The following BMP6 variants were observed in gnomAD, a reference collection of about 807,000 sequenced individuals.
The protein encoded by BMP6 is bone morphogenetic protein 6, also known as VG-1-R.
BMP6 carries 17 observed loss-of-function variants against 54.1 expected under a neutral mutation model. The ratio of observed to expected loss-of-function variants is 0.31; its 90% CI spans 0.22 to 0.47. The LOEUF is 0.47. Ranked by LOEUF, BMP6 falls within the 20% of genes least tolerant of loss-of-function variation. The probability of loss-of-function intolerance (pLI) is 1.00; values close to 1 mark genes in which losing one functional copy is unlikely to be tolerated. For synonymous variants in BMP6, 328 were observed against 291.2 expected, an observed-to-expected ratio of 1.13 and a Z score of -1.28; for missense variants, 720 against 690.4, an observed-to-expected ratio of 1.04 and a Z score of -0.48.
At chr6:7,860,540 C>T (rs1386845696) in intron 2 of BMP6, among the ~76,000 whole-genome samples, 1 of 152,150 alleles carries the variant, frequency 6.6e-6, no homozygotes, top group Non-Finnish European at 1.5e-5. Context: ...ATCCCACAGC[C>T]CCTTGATTAT....
At chr6:7,807,772 A>T (rs1758368956) in intron 1 of BMP6, among the ~76,000 whole-genome samples, 1 of 152,152 alleles carries the variant, frequency 6.6e-6, no homozygotes, top group Non-Finnish European at 1.5e-5. Context: ...CAAACTACCC[A>T]AAGAGGAATG....
chr6:7,854,853 C>T, intron 2 of BMP6, among the ~76,000 whole-genome samples: 1 of 152,184 alleles, frequency 6.6e-6, no homozygotes, highest in East Asian at 1.9e-4. Context: ...CGCACTTGAT[C>T]ACTAGTGAAG....
At chr6:7,847,401 C>T (rs990971287) in intron 2 of BMP6, among the ~76,000 whole-genome samples, 14 of 152,180 alleles carry the variant, frequency 9.2e-5, no homozygotes, top group Admixed American at 2.0e-4. Context: ...CGCCTCCTAG[C>T]GTTCTTCCAG....
chr6:7,767,235 A>C (rs756371497), intron 1 of BMP6, among the ~76,000 whole-genome samples: 2 of 152,032 alleles, frequency 1.3e-5, no homozygotes, highest in Non-Finnish European at 2.9e-5. Context: ...TGGCCTCCCA[A>C]AGTGCTGGGA....
intron 1 of BMP6, among the ~76,000 whole-genome samples, chr6:7,734,625 G>C (rs1198934000): frequency 6.6e-6 from 1 of 152,278 alleles, no homozygotes; most frequent in Non-Finnish European, 1.5e-5. Flanking sequence ...ATGTCCAAAG[G>C]ACTGTTGACT....
At position 7,834,183 on chromosome 6, in the gene BMP6, TG is replaced by T. The variant is rs1344381706; in HGVS notation, c.665-10956del. Among the ~76,000 whole-genome samples, 394 of 88,506 alleles carry T rather than the reference TG, an allele frequency of 4.5e-3. 4 individuals are homozygous for T. The highest frequency in any genetic ancestry group is 0.017 in the African/African-American group (373 of 21,732). 58.1% of individuals were successfully genotyped at this position (88,506 alleles called of 152,430 possible). On this transcript the variant is annotated intron_variant, in intron 1 of 6. Coordinates refer to ENST00000283147, the MANE Select transcript of BMP6 (RefSeq NM_001718.6). ...TGGTGGTGTTCCTCACAAGAACAAATGCTTTTTTTTTTTTTTTTTTTTAGGA... is the reference window on the plus strand; with the variant it reads ...TGGTGGTGTTCCTCACAAGAACAAATCTTTTTTTTTTTTTTTTTTTTAGGA...
chr6:7,851,277 A>G (rs896781754), intron 2 of BMP6, among the ~76,000 whole-genome samples: 3 of 152,238 alleles, frequency 2.0e-5, no homozygotes, highest in Non-Finnish European at 2.9e-5. Flanking sequence ...GCCTTCTTTA[A>G]TAACTCTCAG....
rs781421324 is a variant in BMP6, at chr6:7,727,418, G to C, written c.463G>C (p.Gly155Arg). Residue 155 changes from glycine (G) to arginine (R), a missense_variant, in exon 1 of 7, where the codon GGG becomes CGG. Transcript: ENST00000283147. ...ADNDEDGASE[G>R]ERQQSWPHEA... is the part of the protein sequence containing the mutation. ...CAACGACGAGGACGGGGCGTCGGAG[G>C]GGGAGAGGCAGCAGTCCTGGCCCCA... The C allele has an allele frequency of 1.2e-6, 2 of 1,607,128 alleles. No homozygotes were observed. The highest frequency in any genetic ancestry group is 1.7e-5 in the Admixed American group (1 of 59,628).
intron 1 of BMP6, among the ~76,000 whole-genome samples, chr6:7,779,335 T>A (rs1757906075): frequency 6.6e-6 from 1 of 152,152 alleles, no homozygotes; most frequent in South Asian, 2.1e-4. Flanking sequence ...TATTTATTTT[T>A]TTTTTTAAAT....
At chr6:7,778,000 A>G (rs1310880570) in intron 1 of BMP6, among the ~76,000 whole-genome samples, 1 of 152,226 alleles carries the variant, frequency 6.6e-6, no homozygotes, top group Non-Finnish European at 1.5e-5. Flanking sequence ...TATATAAGGA[A>G]CATTACCTGT....
intron 1 of BMP6, among the ~76,000 whole-genome samples, chr6:7,730,090 G>C (rs1761824390): frequency 6.6e-6 from 1 of 152,138 alleles, no homozygotes; most frequent in Non-Finnish European, 1.5e-5. Context: ...CAAGAGCTGG[G>C]CCTAAGGCGA....
chr6:7,856,303 T>A (rs1389646498), intron 2 of BMP6, among the ~76,000 whole-genome samples: 1 of 152,144 alleles, frequency 6.6e-6, no homozygotes, highest in Non-Finnish European at 1.5e-5. Context: ...ATCTATACTG[T>A]ACTTTACGTA....
intron 1 of BMP6, among the ~76,000 whole-genome samples, chr6:7,765,491 A>G (rs1266834509): frequency 6.6e-6 from 1 of 152,204 alleles, no homozygotes; most frequent in Non-Finnish European, 1.5e-5. Flanking sequence ...CCTGATATTA[A>G]TAAGGGATGC....
chr6:7,757,829 C>T (rs1757549181), intron 1 of BMP6, among the ~76,000 whole-genome samples: 1 of 152,178 alleles, frequency 6.6e-6, no homozygotes, highest in Non-Finnish European at 1.5e-5. Flanking sequence ...TGCCCATTTC[C>T]TTGCAGGTTC....
Position 7,760,587 on chromosome 6 carries a change from C to T in BMP6, c.664+32968C>T, listed in dbSNP as rs543663460. On this transcript the variant is annotated intron_variant, in intron 1 of 6. Coordinates refer to ENST00000283147, the MANE Select transcript of BMP6 (RefSeq NM_001718.6). ...GTTCCAGCAATTCTCCCTGCCTCAG[C>T]CTCCCAAGTAGCTGGGATTACAGAC... is the stretch of plus-strand genomic sequence containing the variant. Among the ~76,000 whole-genome samples, 4 of 152,288 alleles carry T rather than the reference C, an allele frequency of 2.6e-5. No homozygotes were observed. The East Asian group carries it at 7.7e-4, about 29-fold the overall frequency.
chr6:7,848,473 C>T (rs749699582), intron 2 of BMP6, among the ~76,000 whole-genome samples: 16 of 152,162 alleles, frequency 1.1e-4, no homozygotes, highest in Non-Finnish European at 1.8e-4. Context: ...GTTTTAGACA[C>T]CCCTGTGATT....
At chr6:7,859,191 C>T (rs1177074674) in intron 2 of BMP6, among the ~76,000 whole-genome samples, 2 of 152,268 alleles carry the variant, frequency 1.3e-5, no homozygotes, top group South Asian at 4.1e-4. Flanking sequence ...TTTTCCTCCT[C>T]CTCCTTGGAT....
chr6:7,802,668 A>G (rs781516549), intron 1 of BMP6, among the ~76,000 whole-genome samples: 1 of 152,180 alleles, frequency 6.6e-6, no homozygotes, highest in Non-Finnish European at 1.5e-5. Context: ...GCAACAACCT[A>G]TGCACCTTCT....
At chr6:7,844,914 TTAAAC>T (rs1216630896) in intron 1 of BMP6, among the ~76,000 whole-genome samples, 6 of 152,178 alleles carry the variant, frequency 3.9e-5, no homozygotes, top group African/African-American at 7.2e-5. Context: ...GCAGAAGTAT[TTAAAC>T]TAAATAAAAT....
Sources: gnomAD v4.1 joint callset for allele counts (sites outside exome capture counted in the v4.1 genomes callset) on GRCh38, gnomAD v4.1.1 for gene constraint, MANE v1.5 for transcripts, NCBI Gene and HGNC (gene_info 2026-07-23, HGNC 2026-07-21) for gene names.